NYAP2: variants seen among roughly 807,000 people sequenced by gnomAD.
The protein encoded by NYAP2 is neuronal tyrosine-phosphorylated phosphoinositide-3-kinase adaptor 2, also known as neuronal tyrosine-phosphorylated phosphoinositide-3-kinase adapter 2.
A neutral mutation model predicts 50.4 loss-of-function variants in NYAP2; 23 were observed. The observed-to-expected ratio is 0.46, with a 90% CI of 0.33 to 0.65. The LOEUF (loss-of-function observed/expected upper bound fraction) is 0.65. Among genes scored for constraint, NYAP2 ranks in the 30% least tolerant of loss-of-function variants. The pLI is 0.02. For missense variants in NYAP2, 885 were observed against 861.0 expected (o/e 1.03, Z -0.35); for synonymous variants, 394 against 365.2 (o/e 1.08, Z -0.90).
chr2:225,545,802 G>T (rs778788787), intron 4 of NYAP2, among the ~76,000 whole-genome samples: 2 of 152,092 alleles, frequency 1.3e-5, no homozygotes, highest in Non-Finnish European at 2.9e-5. Context: ...TGTAGTCTTT[G>T]CAGTCCGGGC....
chr2:225,559,264 G>A (rs1691828493), intron 4 of NYAP2, among the ~76,000 whole-genome samples: 1 of 151,384 alleles, frequency 6.6e-6, no homozygotes, highest in Admixed American at 6.6e-5. Context: ...TGTCAGTAGA[G>A]AAAAAGCTTG....
intron 3 of NYAP2, among the ~76,000 whole-genome samples, chr2:225,468,752 G>A (rs1479263510): frequency 1.3e-5 from 2 of 152,198 alleles, no homozygotes; most frequent in Non-Finnish European, 2.9e-5. Context: ...TGTCTAAGGA[G>A]ACAGAGGAGG....
intron 4 of NYAP2, among the ~76,000 whole-genome samples, chr2:225,559,545 T>C (rs1691836221): frequency 6.6e-6 from 1 of 152,108 alleles, no homozygotes; most frequent in Admixed American, 6.6e-5. Context: ...CCTTTACTTC[T>C]TTTCAGAAAC....
At chr2:225,426,298 C>A (rs186012684) in intron 3 of NYAP2, among the ~76,000 whole-genome samples, 2 of 152,134 alleles carry the variant, frequency 1.3e-5, no homozygotes, top group Admixed American at 1.3e-4. Context: ...CACTGGGCTG[C>A]AGTTTTCTCC....
chr2:225,638,837 T>G (rs1008549017), intron 6 of NYAP2, among the ~76,000 whole-genome samples: 5 of 152,138 alleles, frequency 3.3e-5, no homozygotes, highest in African/African-American at 1.2e-4. Flanking sequence ...GCAGGCATTG[T>G]GGGGACCAAG....
chr2:225,650,623 T>C (rs149286341), intron 6 of NYAP2, among the ~76,000 whole-genome samples: 129 of 152,368 alleles, frequency 8.5e-4, no homozygotes, highest in African/African-American at 2.9e-3. Context: ...AGCTGGAATG[T>C]ACTAGGCACT....
the NYAP2 span, among the ~76,000 whole-genome samples, chr2:225,662,915 A>T: frequency 2.6e-5 from 4 of 152,188 alleles, no homozygotes; most frequent in Non-Finnish European, 5.9e-5. Flanking sequence ...AAACACTCAT[A>T]TCCGACGATC....
intron 3 of NYAP2, among the ~76,000 whole-genome samples, chr2:225,427,186 A>G (rs767374324): frequency 3.3e-5 from 5 of 152,182 alleles, no homozygotes; most frequent in Non-Finnish European, 7.3e-5. Flanking sequence ...TAGATGGAGA[A>G]ATGTTAGGGA....
chr2:225,446,246 C>CTCTCTA (rs1239402824), intron 3 of NYAP2, among the ~76,000 whole-genome samples: 6 of 82,272 alleles, frequency 7.3e-5, no homozygotes, highest in African/African-American at 1.2e-4. Context: ...CTCTCTCTCT[C>CTCTCTA]TATATATATA....
chr2:225,637,269 C>T (rs892909569), intron 6 of NYAP2, among the ~76,000 whole-genome samples: 4 of 152,010 alleles, frequency 2.6e-5, no homozygotes, highest in Non-Finnish European at 4.4e-5. Context: ...ATGAGTTCTC[C>T]GTTATATTCA....
chr2:225,514,316 C>T (rs1690889171), intron 4 of NYAP2, among the ~76,000 whole-genome samples: 1 of 152,226 alleles, frequency 6.6e-6, no homozygotes, highest in Admixed American at 6.6e-5. Flanking sequence ...AGTAGAGTCT[C>T]AGCTTCCCTG....
At chr2:225,684,404 CTCTT>C in the NYAP2 span, among the ~76,000 whole-genome samples, 4 of 147,724 alleles carry the variant, frequency 2.7e-5, no homozygotes, top group African/African-American at 1.0e-4. Context: ...CTTTCTCTCT[CTCTT>C]TTTTTTTTTT....
intron 3 of NYAP2, among the ~76,000 whole-genome samples, chr2:225,510,489 T>TA (rs1482237269): frequency 6.6e-6 from 1 of 152,182 alleles, no homozygotes; most frequent in Non-Finnish European, 1.5e-5. Context: ...TCTGTATATT[T>TA]AAAAAACTCC....
At position 225,432,046 on chromosome 2, in the gene NYAP2, T is replaced by C. The variant is rs374281116; in HGVS notation, c.221+22945T>C. On this transcript the variant is annotated intron_variant, in intron 3 of 6. Transcript: ENST00000636099. ...GTGCAGTGGCACGCTCTCGGCTCAC[T>C]GCAAGCTCCGTCTCCCAGGTTCATG... Among the ~76,000 whole-genome samples the C allele has an allele frequency of 1.8e-4, 27 of 152,048 alleles. No homozygotes were observed. The East Asian group carries it at 5.0e-3, about 28-fold the overall frequency.
At chr2:225,504,990 G>A (rs374037572) in intron 3 of NYAP2, among the ~76,000 whole-genome samples, 3 of 148,234 alleles carry the variant, frequency 2.0e-5, no homozygotes, top group African/African-American at 7.5e-5. Flanking sequence ...CCTGGGTGAC[G>A]GAGCAAGACT....
intron 4 of NYAP2, among the ~76,000 whole-genome samples, chr2:225,560,902 A>G (rs1348826489): frequency 6.7e-6 from 1 of 149,886 alleles, no homozygotes; most frequent in Non-Finnish European, 1.5e-5. Context: ...GAGATGGAAG[A>G]GATGCAGGCA....
the NYAP2 span, among the ~76,000 whole-genome samples, chr2:225,669,474 C>A: frequency 6.6e-6 from 1 of 151,968 alleles, no homozygotes; most frequent in Admixed American, 6.6e-5. Flanking sequence ...CAAAAATAAA[C>A]CCTAACTAGA....
chr2:225,534,627 A>G (rs984294636), intron 4 of NYAP2, among the ~76,000 whole-genome samples: 3 of 152,240 alleles, frequency 2.0e-5, no homozygotes, highest in Non-Finnish European at 2.9e-5. Flanking sequence ...TAGAGGACAG[A>G]AAAGACATCA....
the NYAP2 span, among the ~76,000 whole-genome samples, chr2:225,670,168 G>A: frequency 6.6e-6 from 1 of 152,102 alleles, no homozygotes; most frequent in African/African-American, 2.4e-5. Flanking sequence ...TGTATCCTTG[G>A]CCTTCACAGT....
Sources: gnomAD v4.1 joint callset for allele counts (sites outside exome capture counted in the v4.1 genomes callset) on GRCh38, gnomAD v4.1.1 for gene constraint, MANE v1.5 for transcripts, NCBI Gene and HGNC (gene_info 2026-07-23, HGNC 2026-07-21) for gene names.